MAML3: variants seen among roughly 807,000 people sequenced by gnomAD.
MAML3 encodes the protein mastermind-like protein 3.
Under a neutral mutation model 101.9 loss-of-function variants are expected in MAML3, and 27 were observed. The ratio of observed to expected loss-of-function variants is 0.27; its 90% CI spans 0.20 to 0.37. The LOEUF (loss-of-function observed/expected upper bound fraction) is 0.37. Ranked by LOEUF, MAML3 falls within the 10% of genes least tolerant of loss-of-function variation. The probability of loss-of-function intolerance (pLI) is 1.00; values close to 1 mark genes in which losing one functional copy is unlikely to be tolerated. For missense variants in MAML3, 1,316 were observed against 1,444.9 expected, an observed-to-expected ratio of 0.91 and a Z score of 1.45; for synonymous variants, 501 against 555.9, an observed-to-expected ratio of 0.90 and a Z score of 1.39.
Position 139,718,895 on chromosome 4 carries a change from G to A in MAML3, c.*428C>T, listed in dbSNP as rs769702607. The A allele has an allele frequency of 1.2e-5, 2 of 170,760 alleles. No individual in the cohort carries two copies. Among genetic ancestry groups the A allele is most frequent in the Non-Finnish European group, 2.5e-5 (2 of 79,088 alleles). The allele number at this position is 170,760 out of a possible 1,614,324, so 10.6% of individuals were successfully genotyped here. A position where few individuals can be genotyped will look rare whatever the true frequency, so the allele number is the denominator to read the frequency against. On this transcript the variant is annotated 3_prime_UTR_variant, in exon 5 of 5. Coordinates refer to ENST00000509479, the MANE Select transcript of MAML3 (RefSeq NM_018717.5). ...TGGGGGACTCACTCTCCCTGGCTGA[G>A]GCTCTGTCTCTTTTGTGTCTCCAAA...
intron 1 of MAML3, among the ~76,000 whole-genome samples, chr4:140,022,477 C>T (rs547623023): frequency 1.3e-5 from 2 of 152,150 alleles, no homozygotes; most frequent in East Asian, 1.9e-4. Context: ...CTGGATAATA[C>T]GTCCCAACTT....
chr4:140,058,613 TTTG>T (rs1727393443), intron 1 of MAML3, among the ~76,000 whole-genome samples: 1 of 82,060 alleles, frequency 1.2e-5, no homozygotes, highest in Non-Finnish European at 3.1e-5. Flanking sequence ...TTTCTTAGTA[TTTG>T]TATCTTGCCT....
chr4:139,976,266 C>T (rs186975711), intron 1 of MAML3, among the ~76,000 whole-genome samples: 2 of 152,240 alleles, frequency 1.3e-5, no homozygotes, highest in African/African-American at 4.8e-5. Flanking sequence ...TCTTCTTCTT[C>T]TCTTCATTAT....
intron 2 of MAML3, among the ~76,000 whole-genome samples, chr4:139,867,140 T>C (rs1731912723): frequency 1.3e-5 from 2 of 152,246 alleles, no homozygotes; most frequent in Admixed American, 6.5e-5. Context: ...ATGGGAATAC[T>C]ACAATAAATC....
At chr4:139,931,471 T>C (rs1733392152) in intron 1 of MAML3, among the ~76,000 whole-genome samples, 1 of 152,228 alleles carries the variant, frequency 6.6e-6, no homozygotes, top group African/African-American at 2.4e-5. Flanking sequence ...TACTCCATGT[T>C]ATTTTAGGTA....
At chr4:139,842,951 T>C (rs1731387969) in intron 2 of MAML3, among the ~76,000 whole-genome samples, 1 of 151,622 alleles carries the variant, frequency 6.6e-6, no homozygotes, top group African/African-American at 2.4e-5. Flanking sequence ...CTAAGTTTTG[T>C]ATTTCTAGTA....
intron 2 of MAML3, among the ~76,000 whole-genome samples, chr4:139,860,863 G>A (rs1197404923): frequency 1.3e-5 from 2 of 151,958 alleles, no homozygotes; most frequent in Non-Finnish European, 2.9e-5. Context: ...CTTTTGATCC[G>A]GTAATGATTA....
At chr4:139,852,279 T>C (rs1731566965) in intron 2 of MAML3, among the ~76,000 whole-genome samples, 1 of 152,050 alleles carries the variant, frequency 6.6e-6, no homozygotes, top group South Asian at 2.1e-4. Flanking sequence ...AATCAACTTA[T>C]GACCATGTCA....
At chr4:140,045,583 C>A (rs910056085) in intron 1 of MAML3, among the ~76,000 whole-genome samples, 1 of 152,046 alleles carries the variant, frequency 6.6e-6, no homozygotes, top group Non-Finnish European at 1.5e-5. Flanking sequence ...CACAGCTAAT[C>A]TCCTGTGGTT....
At chr4:139,917,106 A>C (rs1010930205) in intron 1 of MAML3, among the ~76,000 whole-genome samples, 7 of 152,162 alleles carry the variant, frequency 4.6e-5, no homozygotes, top group African/African-American at 1.7e-4. Flanking sequence ...GAAGGTCCAA[A>C]GCTTTTCTCA....
chr4:139,857,486 T>C (rs943419705), intron 2 of MAML3, among the ~76,000 whole-genome samples: 1 of 152,202 alleles, frequency 6.6e-6, no homozygotes, highest in African/African-American at 2.4e-5. Context: ...TACCTATTGT[T>C]TGGCTAAAAT....
chr4:139,982,897 A>AC (rs888674954), intron 1 of MAML3, among the ~76,000 whole-genome samples: 1 of 152,098 alleles, frequency 6.6e-6, no homozygotes, highest in Non-Finnish European at 1.5e-5. Flanking sequence ...GTTTATCTGC[A>AC]CCCCCCTTAG....
chr4:139,745,709 T>C (rs1729297789), intron 2 of MAML3, among the ~76,000 whole-genome samples: 1 of 152,232 alleles, frequency 6.6e-6, no homozygotes, highest in Admixed American at 6.5e-5. Context: ...AAAATAATGC[T>C]AGTTTTTCTG....
intron 2 of MAML3, among the ~76,000 whole-genome samples, chr4:139,885,763 C>A (rs1375165043): frequency 7.8e-5 from 6 of 77,180 alleles, no homozygotes; most frequent in Admixed American, 7.1e-4. Context: ...CTCTACTAAA[C>A]ATACAAAAAA....
chr4:139,986,970 A>G (rs1734550943), intron 1 of MAML3, among the ~76,000 whole-genome samples: 2 of 152,144 alleles, frequency 1.3e-5, no homozygotes, highest in South Asian at 4.1e-4. Flanking sequence ...ATTACTAGAG[A>G]CCAGTAATGA....
intron 1 of MAML3, among the ~76,000 whole-genome samples, chr4:139,934,499 C>G (rs980742945): frequency 2.6e-5 from 4 of 152,122 alleles, no homozygotes; most frequent in African/African-American, 9.7e-5. Context: ...GGTGATGTCA[C>G]TCTCCATTAA....
At chr4:140,095,252 C>G (rs1327167702) in intron 1 of MAML3, among the ~76,000 whole-genome samples, 3 of 152,246 alleles carry the variant, frequency 2.0e-5, no homozygotes, top group Admixed American at 6.5e-5. Context: ...CCCAGCTGCT[C>G]TCCCCAACTT....
At chr4:139,790,232 T>TATATATAA (rs1560795051) in intron 2 of MAML3, among the ~76,000 whole-genome samples, 1 of 144,112 alleles carries the variant, frequency 6.9e-6, no homozygotes, top group Non-Finnish European at 1.5e-5. Flanking sequence ...TATATATATA[T>TATATATAA]ATATATATAT....
Position 140,153,391 on chromosome 4 carries a change from C to T in MAML3, c.-64G>A. On this transcript the variant is annotated 5_prime_UTR_variant, in exon 1 of 5. Coordinates refer to ENST00000509479, the MANE Select transcript of MAML3 (RefSeq NM_018717.5). Reference sequence around the variant, plus strand: ...TATCCACCCCCCTATCAGCCTCCTCCTTGGGTCCAAGGATTAAAATAGTTT... The same window carrying T: ...TATCCACCCCCCTATCAGCCTCCTCTTTGGGTCCAAGGATTAAAATAGTTT... 4 of 1,478,536 alleles carry T rather than the reference C, an allele frequency of 2.7e-6. No homozygotes were observed. The Admixed American group carries it at 7.5e-5, about 28-fold the overall frequency. The allele number at this position is 1,478,536 out of a possible 1,614,324, so 91.6% of individuals were successfully genotyped here.
Sources: gnomAD v4.1 joint callset for allele counts (sites outside exome capture counted in the v4.1 genomes callset) on GRCh38, gnomAD v4.1.1 for gene constraint, MANE v1.5 for transcripts, NCBI Gene and HGNC (gene_info 2026-07-23, HGNC 2026-07-21) for gene names.